ATP9A: variants seen among roughly 807,000 people sequenced by gnomAD.
ATP9A encodes the protein ATPase phospholipid transporting 9A.
A neutral mutation model predicts 144.1 loss-of-function variants in ATP9A; 52 were observed. The observed-to-expected ratio is 0.36, with a 90% CI of 0.29 to 0.45. The LOEUF (loss-of-function observed/expected upper bound fraction) is 0.45, where lower values mean the gene tolerates loss of function less well. Ranked by LOEUF, ATP9A falls within the 20% of genes least tolerant of loss-of-function variation. The pLI, the probability that ATP9A is intolerant of heterozygous loss-of-function variation, is 1.00. For missense variants in ATP9A, 947 were observed against 1,392.7 expected (o/e 0.68, Z 5.09); for synonymous variants, 582 against 557.4 (o/e 1.04, Z -0.62).
At chr20:51,730,747 C>T (rs1287530977) in intron 1 of ATP9A, among the ~76,000 whole-genome samples, 1 of 152,156 alleles carries the variant, frequency 6.6e-6, no homozygotes, top group East Asian at 1.9e-4. Flanking sequence ...GTACTTGTGT[C>T]TCTAAACATA....
chr20:51,677,374 C>A (rs1747107868), intron 9 of ATP9A, among the ~76,000 whole-genome samples: 1 of 152,134 alleles, frequency 6.6e-6, no homozygotes, highest in Non-Finnish European at 1.5e-5. Flanking sequence ...ACAGCGCCCA[C>A]CCTCCCTAGC....
chr20:51,604,767 C>T, intron 27 of ATP9A, 50 bp downstream of exon 27: 2 of 1,414,100 alleles, frequency 1.4e-6, no homozygotes, highest in Middle Eastern at 2.0e-4. Context: ...GACCTCTGGG[C>T]CAGATTCACT....
intron 1 of ATP9A, among the ~76,000 whole-genome samples, chr20:51,754,517 G>T (rs550543224): frequency 3.3e-5 from 5 of 151,992 alleles, no homozygotes; most frequent in East Asian, 1.9e-4. Context: ...AAAAAAAGAA[G>T]AATAAATTTC....
chr20:51,634,312 A>G (rs2122738972), intron 15 of ATP9A, among the ~76,000 whole-genome samples: 1 of 152,272 alleles, frequency 6.6e-6, no homozygotes, highest in East Asian at 1.9e-4. Context: ...ATTCGATAGG[A>G]GATAATGACA....
intron 14 of ATP9A, among the ~76,000 whole-genome samples, chr20:51,649,891 C>A (rs1002418247): frequency 7.2e-6 from 1 of 138,254 alleles, no homozygotes; most frequent in Non-Finnish European, 1.5e-5. Context: ...CCAGCCTGGG[C>A]AGCAGAGCGA....
At position 51,665,617 on chromosome 20, in the gene ATP9A, G is replaced by A. The variant is rs56833895; in HGVS notation, c.1293+4380C>T. On this transcript the variant is annotated intron_variant, in intron 13 of 27. Transcript: ENST00000338821. ...CACATGCCTGTGATCCCAGCTACTC[G>A]GGAGGCTGAGGCAGGAGAATCTCTT... Among the ~76,000 whole-genome samples, 862 of 152,108 alleles carry A rather than the reference G, an allele frequency of 5.7e-3. 8 individuals carry two copies. Among genetic ancestry groups the A allele is most frequent in the African/African-American group, 0.019 (809 of 41,492 alleles).
chr20:51,758,885 A>G (rs1288818670), intron 1 of ATP9A, among the ~76,000 whole-genome samples: 1 of 152,136 alleles, frequency 6.6e-6, no homozygotes, highest in Non-Finnish European at 1.5e-5. Context: ...AGATCATACC[A>G]CTGCACTCCA....
chr20:51,624,724 G>A (rs1472736850), intron 18 of ATP9A, among the ~76,000 whole-genome samples: 4 of 152,226 alleles, frequency 2.6e-5, no homozygotes, highest in South Asian at 4.1e-4. Flanking sequence ...CAGGGCTGGA[G>A]GGCCAGGCAC....
At chr20:51,734,610 C>T (rs1205948522) in intron 1 of ATP9A, 3 of 151,958 alleles carry the variant, frequency 2.0e-5, no homozygotes, top group Non-Finnish European at 2.9e-5. Context: ...TCCCAGTCCA[C>T]GTGTATCCCA....
At chr20:51,692,361 G>A (rs2077551992) in intron 7 of ATP9A, among the ~76,000 whole-genome samples, 1 of 152,216 alleles carries the variant, frequency 6.6e-6, no homozygotes, top group African/African-American at 2.4e-5. Flanking sequence ...TTTCAAAGCA[G>A]CATATGTGAA....
chr20:51,638,294 A>G (rs1367285084), intron 15 of ATP9A, among the ~76,000 whole-genome samples: 2 of 39,134 alleles, frequency 5.1e-5, no homozygotes, highest in Middle Eastern at 0.021. Context: ...TTTGTCAAGG[A>G]AAAAAAAAAA....
chr20:51,729,843 A>G lies in ATP9A; in HGVS notation c.204T>C (p.Phe68=). 1 of 1,586,022 alleles carries G rather than the reference A, an allele frequency of 6.3e-7. No homozygotes were observed. Among genetic ancestry groups the G allele is most frequent in the Non-Finnish European group, 8.5e-7 (1 of 1,170,626 alleles). ...INNQKYNFFT[F]LPGVLFNQFK... is the part of the protein sequence containing the mutation. ...CCCTGCCTGCACGTACCCCAGGAAG[A>G]AAGGTGAAGAAATTGTACTTCTGAT... Residue 68 remains phenylalanine, a synonymous_variant, in exon 2 of 28, where the codon TTT becomes TTC. Coordinates refer to ENST00000338821, the MANE Select transcript of ATP9A (RefSeq NM_006045.3).
intron 3 of ATP9A, among the ~76,000 whole-genome samples, chr20:51,713,457 G>A: frequency 6.6e-6 from 1 of 152,202 alleles, no homozygotes; most frequent in Non-Finnish European, 1.5e-5. Flanking sequence ...AGTATTGGAA[G>A]TGCACTTCAT....
At chr20:51,709,106 T>G (rs943740778) in intron 4 of ATP9A, among the ~76,000 whole-genome samples, 19 of 152,250 alleles carry the variant, frequency 1.2e-4, no homozygotes, top group African/African-American at 4.3e-4. Context: ...AGAAACGTCC[T>G]TCAAGGAATT....
intron 27 of ATP9A, among the ~76,000 whole-genome samples, chr20:51,602,879 T>C (rs2077148622): frequency 6.6e-6 from 1 of 152,176 alleles, no homozygotes; most frequent in Non-Finnish European, 1.5e-5. Flanking sequence ...TAATATTATA[T>C]ATACATCTCC....
At chr20:51,627,057 C>CA (rs11481602) in intron 17 of ATP9A, among the ~76,000 whole-genome samples, 56,622 of 110,666 alleles carry the variant, frequency 0.51, 12,846 homozygotes, top group East Asian at 0.7. Context: ...AACTCTGTCT[C>CA]AAAAAAAAAA....
chr20:51,680,017 G>A (rs1183646190), intron 9 of ATP9A, among the ~76,000 whole-genome samples: 1 of 151,996 alleles, frequency 6.6e-6, no homozygotes, highest in East Asian at 1.9e-4. Context: ...ATCACTTGAG[G>A]TCAGAAGTTC....
chr20:51,741,640 C>G (rs933075431), intron 1 of ATP9A, among the ~76,000 whole-genome samples: 1 of 152,180 alleles, frequency 6.6e-6, no homozygotes, highest in Admixed American at 6.6e-5. Flanking sequence ...CTCGCCTGAA[C>G]AGAGTTTCCC....
intron 1 of ATP9A, chr20:51,734,618 C>A (rs1000926351): frequency 1.3e-5 from 2 of 151,870 alleles, no homozygotes; most frequent in African/African-American, 4.8e-5. Flanking sequence ...CACGTGTATC[C>A]CATTTTGGTT....
Sources: gnomAD v4.1 joint callset for allele counts (sites outside exome capture counted in the v4.1 genomes callset) on GRCh38, gnomAD v4.1.1 for gene constraint, MANE v1.5 for transcripts, NCBI Gene and HGNC (gene_info 2026-07-23, HGNC 2026-07-21) for gene names.